TM7SF2: variants seen among roughly 807,000 people sequenced by gnomAD.
TM7SF2 encodes transmembrane 7 superfamily member 2.
In TM7SF2, 51 loss-of-function variants were observed where a neutral mutation model predicts 51.0. The ratio of observed to expected loss-of-function variants is 1.00; its 90% CI spans 0.80 to 1.26. TM7SF2 has a LOEUF of 1.26. TM7SF2 is among the 50% of genes most tolerant of loss of function. TM7SF2 has a pLI of 0.00. For synonymous variants in TM7SF2, 255 were observed against 241.0 expected (o/e 1.06, Z -0.54); for missense variants, 541 against 547.4 (o/e 0.99, Z 0.12).
At chr11:65,112,442 A>G in intron 1 of TM7SF2, 73 bp from the exon 2 acceptor site, 1 of 1,414,062 alleles carries the variant, frequency 7.1e-7, no homozygotes, top group Non-Finnish European at 9.2e-7. Flanking sequence ...CAGAGACGTC[A>G]GGGCGCCCGT....
Sources: allele counts gnomAD v4.1 joint callset, GRCh38; gene constraint gnomAD v4.1.1; transcripts MANE v1.5; gene names NCBI Gene and HGNC (gene_info 2026-07-23, HGNC 2026-07-21).